The following ZNF329 variants were observed in gnomAD, a reference collection of about 807,000 sequenced individuals.
ZNF329 encodes the protein zinc finger protein 329.
Under a neutral mutation model 26.6 loss-of-function variants are expected in ZNF329, and 15 were observed. The observed-to-expected ratio is 0.56, with a 90% CI of 0.38 to 0.87. The LOEUF (loss-of-function observed/expected upper bound fraction) is 0.87, where lower values mean the gene tolerates loss of function less well. Among genes scored for constraint, ZNF329 ranks in the 40% least tolerant of loss-of-function variants. The pLI, the probability that ZNF329 is intolerant of heterozygous loss-of-function variation, is 0.00. For synonymous variants in ZNF329, 239 were observed against 233.5 expected, an observed-to-expected ratio of 1.02 and a Z score of -0.21; for missense variants, 651 against 651.9, an observed-to-expected ratio of 1.00 and a Z score of 0.02.
At position 58,128,034 on chromosome 19, in the gene ZNF329, C is replaced by T; in HGVS notation, c.1470G>A (p.Lys490=). The change falls in exon 4 of 4, where the codon AAG becomes AAA. Residue 490 remains lysine, a synonymous_variant. Transcript: ENST00000598312. ...ETPYQCPECG[K]SFKQNSHLAV... ...CCAGGTGAGAGTTCTGCTTGAAGGA[C>T]TTCCCACATTCTGGACACTGATATG... 3 of 1,613,982 alleles carry T rather than the reference C, an allele frequency of 1.9e-6. No individual in the cohort carries two copies. The highest frequency in any genetic ancestry group is 1.7e-5 in the Admixed American group (1 of 60,002).
At chr19:58,136,180 G>A (rs1178168692) in intron 3 of ZNF329, among the ~76,000 whole-genome samples, 8 of 150,472 alleles carry the variant, frequency 5.3e-5, no homozygotes, top group Admixed American at 1.3e-4. Flanking sequence ...GCAGTCAGCC[G>A]AGATCATGCC....
chr19:58,137,673 C>A (rs1236091232), intron 3 of ZNF329, among the ~76,000 whole-genome samples: 4 of 151,658 alleles, frequency 2.6e-5, no homozygotes, highest in Admixed American at 1.3e-4. Flanking sequence ...TAAAAAACAG[C>A]AAGAAAAAGG....
chr19:58,135,687 A>G (rs2075048988), intron 3 of ZNF329, among the ~76,000 whole-genome samples: 1 of 152,192 alleles, frequency 6.6e-6, no homozygotes, highest in African/African-American at 2.4e-5. Context: ...CTACGTACAA[A>G]TTAAAATAAA....
intron 1 of ZNF329, among the ~76,000 whole-genome samples, chr19:58,147,501 G>A (rs2075345460): frequency 6.9e-6 from 1 of 144,482 alleles, no homozygotes; most frequent in Non-Finnish European, 1.5e-5. Context: ...ACTGGGAAGT[G>A]AGGAGCCCCT....
At chr19:58,139,588 A>AT (rs2075141664) in intron 3 of ZNF329, among the ~76,000 whole-genome samples, 1 of 152,228 alleles carries the variant, frequency 6.6e-6, no homozygotes, top group African/African-American at 2.4e-5. Flanking sequence ...AAGAGCACTG[A>AT]TTTCATTCAA....
In ZNF329 at chr19:58,129,241, G is replaced by A. The variant is rs1309029142; in HGVS notation, c.263C>T (p.Thr88Ile). 38 of 1,614,092 alleles carry A rather than the reference G, an allele frequency of 2.4e-5. No individual in the cohort carries two copies. Among genetic ancestry groups the A allele is most frequent in the Non-Finnish European group, 3.1e-5 (37 of 1,180,054 alleles). Residue 88 changes from threonine to isoleucine, a missense_variant, in exon 4 of 4, where the codon ACA becomes ATA. Transcript: ENST00000598312. ...TGAGTCAGGTGCATGGAAACCATTT[G>A]TTGCCAGAACTCTCTGAGACGGTGG... ...DLPPSQRVLA[T>I]NGFHAPDSNV... is the part of the protein sequence containing the mutation.
At chr19:58,137,832 A>T (rs1245165553) in intron 3 of ZNF329, among the ~76,000 whole-genome samples, 1 of 132,730 alleles carries the variant, frequency 7.5e-6, no homozygotes, top group East Asian at 2.1e-4. Flanking sequence ...AAAAAAAAAA[A>T]GCCAGGCGTA....
At chr19:58,140,399 A>G (rs2146100421) in intron 3 of ZNF329, among the ~76,000 whole-genome samples, 1 of 148,278 alleles carries the variant, frequency 6.7e-6, no homozygotes, top group African/African-American at 2.5e-5. Flanking sequence ...AAAAGCTACA[A>G]CTATAAAACT....
intron 1 of ZNF329, among the ~76,000 whole-genome samples, chr19:58,148,827 CTG>C (rs1306476691): frequency 6.6e-6 from 1 of 152,216 alleles, no homozygotes; most frequent in African/African-American, 2.4e-5. Context: ...AAATATATGT[CTG>C]TATCACACCT....
intron 3 of ZNF329, among the ~76,000 whole-genome samples, chr19:58,130,557 C>G (rs954031410): frequency 1.3e-5 from 2 of 151,576 alleles, no homozygotes; most frequent in South Asian, 4.2e-4. Flanking sequence ...GCCTGTAGTC[C>G]CAGCTACTCG....
chr19:58,150,645 A>G (rs1335503354), intron 1 of ZNF329, 107 bp downstream of exon 1: 1 of 152,876 alleles, frequency 6.5e-6, no homozygotes, highest in East Asian at 1.9e-4. Flanking sequence ...CCACCCGCGG[A>G]CGCGCCCCTC....
intron 1 of ZNF329, among the ~76,000 whole-genome samples, chr19:58,150,049 CAA>C (rs1810794879): frequency 2.6e-5 from 4 of 152,110 alleles, no homozygotes. Context: ...GTTCACTGCA[CAA>C]GTCTTTCAGC....
In ZNF329 at chr19:58,142,270, G is replaced by A. The variant is rs73562844; in HGVS notation, c.-9+287C>T. On this transcript the variant is annotated intron_variant, in intron 3 of 3. Coordinates refer to ENST00000598312, the MANE Select transcript of ZNF329 (RefSeq NM_024620.4). ...TAATGGTATGGGTTTTCTTTTTCAG[G>A]GGTGATGAAAACATTCGAAGATTGA... Among the ~76,000 whole-genome samples, 526 of 152,130 alleles carry A rather than the reference G, an allele frequency of 3.5e-3. 2 individuals carry two copies. The highest frequency in any genetic ancestry group is 0.012 in the African/African-American group (506 of 41,496).
intron 1 of ZNF329, among the ~76,000 whole-genome samples, chr19:58,143,846 C>A (rs538860292): frequency 1.3e-5 from 2 of 151,950 alleles, no homozygotes; most frequent in South Asian, 4.2e-4. Context: ...TTTGGGAGGC[C>A]GAGGCAAGTG....
upstream of ZNF329, among the ~76,000 whole-genome samples, chr19:58,152,658 G>C (rs1452668123): frequency 6.6e-6 from 1 of 152,122 alleles, no homozygotes; most frequent in Non-Finnish European, 1.5e-5. Flanking sequence ...AGGAATTCAA[G>C]ACCAGCCTGG....
In ZNF329 at chr19:58,132,268, C is replaced by A. The variant is rs140410442; in HGVS notation, c.-8-2757G>T. 1,102 of 152,122 alleles carry A rather than the reference C, an allele frequency of 7.2e-3. 7 individuals carry two copies. The highest frequency in any genetic ancestry group is 0.024 in the African/African-American group (1,001 of 41,508). The allele number at this position is 152,122 out of a possible 1,614,324, so 9.4% of individuals were successfully genotyped here. On this transcript the variant is annotated intron_variant, in intron 3 of 3. Transcript: ENST00000598312. The stretch of plus-strand genomic sequence containing the variant: ...TTAGTGGCAGCTGTGAAAACATAAA[C>A]TGGGGGCAGGCGCGGTGGCTCACGC...
At chr19:58,150,456 G>C (rs569476175) in intron 1 of ZNF329, among the ~76,000 whole-genome samples, 1 of 152,338 alleles carries the variant, frequency 6.6e-6, no homozygotes, top group South Asian at 2.1e-4. Context: ...AGATGCGAGC[G>C]CGGAACTCAC....
In ZNF329 at chr19:58,128,770, T is replaced by G; in HGVS notation, c.734A>C (p.Asn245Thr). Residue 245 changes from asparagine to threonine, a missense_variant, in exon 4 of 4, where the codon AAC becomes ACC. By Grantham distance (65) the Asn-to-Thr change is moderately conservative. Coordinates refer to ENST00000598312, the MANE Select transcript of ZNF329 (RefSeq NM_024620.4). ...ECGKSFSKNY[N>T]LIVHQRIHTG... ...GTGGATTCTTTGATGCACAATCAGGTTGTAGTTCTTGGAGAAGGACTTTCC... is the reference window on the plus strand; with the variant it reads ...GTGGATTCTTTGATGCACAATCAGGGTGTAGTTCTTGGAGAAGGACTTTCC... 1 of 1,601,560 alleles carries G rather than the reference T, an allele frequency of 6.2e-7. No homozygotes were observed. Among genetic ancestry groups the G allele is most frequent in the Non-Finnish European group, 8.5e-7 (1 of 1,174,360 alleles).
intron 1 of ZNF329, among the ~76,000 whole-genome samples, chr19:58,144,172 A>T (rs2075248038): frequency 6.6e-6 from 1 of 151,818 alleles, no homozygotes. Context: ...TGTTGTTGTT[A>T]TTTTTTATTT....
Sources: gnomAD v4.1 joint callset for allele counts (sites outside exome capture counted in the v4.1 genomes callset) on GRCh38, gnomAD v4.1.1 for gene constraint, MANE v1.5 for transcripts, NCBI Gene and HGNC (gene_info 2026-07-23, HGNC 2026-07-21) for gene names.